The following SMOX variants were observed in gnomAD, a reference collection of about 807,000 sequenced individuals.
The protein encoded by SMOX is flavin containing amine oxidase.
Under a neutral mutation model 51.0 loss-of-function variants are expected in SMOX, and 22 were observed. The observed-to-expected ratio is 0.43, with a 90% CI of 0.31 to 0.62. The LOEUF (loss-of-function observed/expected upper bound fraction) is 0.62, where lower values mean the gene tolerates loss of function less well. SMOX is among the 20% of genes least tolerant of loss of function. SMOX has a pLI of 0.10. For missense variants in SMOX, 566 were observed against 777.7 expected, an observed-to-expected ratio of 0.73 and a Z score of 3.24; for synonymous variants, 282 against 307.8, an observed-to-expected ratio of 0.92 and a Z score of 0.88.
Position 4,161,386 on chromosome 20 carries a change from T to A in SMOX, c.-27+12409T>A, listed in dbSNP as rs910825922. Among the ~76,000 whole-genome samples, 8 of 152,162 alleles carry A rather than the reference T, an allele frequency of 5.3e-5. No individual in the cohort carries two copies. The East Asian group carries it at 1.5e-3, about 29-fold the overall frequency. On this transcript the variant is annotated intron_variant, in intron 1 of 6. Transcript: ENST00000305958. ...ATAGCCCGGAGGAGAGAACTGGGCT[T>A]AATAATCAGACCCCTGGGCTGACCT...
At position 4,187,429 on chromosome 20, in the gene SMOX, A is replaced by G. The variant is rs199704295; in HGVS notation, c.*22A>G. ...CTGAGGGCTGTCCTCGCTGCTGAGA[A>G]GAGCCACTAACTCGTGACCTCCAGC... On this transcript the variant is annotated 3_prime_UTR_variant, in exon 7 of 7. Transcript: ENST00000305958. This position sits in a 1 kb window ranked among gnomAD's most constrained non-coding sequence, Gnocchi z 4.8. 1.3e-5 allele frequency: 21 copies of G among 1,608,326 alleles called. No individual in the cohort carries two copies. In the African/African-American group the frequency reaches 2.1e-4, roughly 16 times the overall value.
chr20:4,168,170 C>T (rs1986653758), intron 1 of SMOX, among the ~76,000 whole-genome samples: 1 of 152,040 alleles, frequency 6.6e-6, no homozygotes, highest in South Asian at 2.1e-4. Context: ...GGGCTGCTGC[C>T]CTCAGGGACC....
chr20:4,156,867 C>T (rs1310965467), intron 1 of SMOX, among the ~76,000 whole-genome samples: 2 of 152,134 alleles, frequency 1.3e-5, no homozygotes, highest in African/African-American at 2.4e-5. Context: ...CTCAGCCTCC[C>T]GAGTAGCTGG....
chr20:4,176,316 A>G (rs1978848381), intron 2 of SMOX, among the ~76,000 whole-genome samples: 1 of 152,102 alleles, frequency 6.6e-6, no homozygotes, highest in African/African-American at 2.4e-5. Context: ...GTCTTCCCCT[A>G]CAGCATTTCC....
Position 4,183,399 on chromosome 20 carries a change from T to G in SMOX, c.1370-95T>G. The G allele has an allele frequency of 6.4e-7, 1 of 1,571,648 alleles. No individual in the cohort carries two copies. The highest frequency in any genetic ancestry group is 8.7e-7 in the Non-Finnish European group (1 of 1,144,490). On this transcript the variant is annotated intron_variant, in intron 5 of 6. Transcript: ENST00000305958. The surrounding 1 kb of genome is among the most constrained non-coding windows in gnomAD (Gnocchi z 4.3). ...TGGCAGTCTGGTCCTCCCGGAGCCC[T>G]GGAGGTGGGGTGGGGGGTTGTCCCT...
chr20:4,187,471 T>C lies in SMOX; in HGVS notation c.*64T>C. ...ACCTCCAGCCTGCCCCTTGCTGCCGTGTGCTCCTGCCTTCCTGATCCTCTG... is the reference window on the plus strand; with the variant it reads ...ACCTCCAGCCTGCCCCTTGCTGCCGCGTGCTCCTGCCTTCCTGATCCTCTG... On this transcript the variant is annotated 3_prime_UTR_variant, in exon 7 of 7. Coordinates refer to ENST00000305958, the MANE Select transcript of SMOX (RefSeq NM_175839.3). The surrounding 1 kb of genome is among the most constrained non-coding windows in gnomAD (Gnocchi z 4.8). 1 of 1,582,502 alleles carries C rather than the reference T, an allele frequency of 6.3e-7. No individual in the cohort carries two copies.
intron 3 of SMOX, among the ~76,000 whole-genome samples, chr20:4,179,330 G>C (rs1013650886): frequency 7.9e-5 from 12 of 152,178 alleles, no homozygotes; most frequent in Admixed American, 7.2e-4. Flanking sequence ...ATCAAATTCT[G>C]CTGGTGGGTT....
chr20:4,150,148 C>T (rs1159727735), intron 1 of SMOX, among the ~76,000 whole-genome samples: 1 of 152,214 alleles, frequency 6.6e-6, no homozygotes, highest in East Asian at 1.9e-4. Context: ...CCTTGGCACC[C>T]TGTCTCTCCA....
chr20:4,157,936 TGTC>T (rs376745192), intron 1 of SMOX, among the ~76,000 whole-genome samples: 571 of 152,240 alleles, frequency 3.8e-3, no homozygotes, highest in Non-Finnish European at 6.7e-3. Context: ...AGTCTCGCTC[TGTC>T]GCCCAGGCTG....
Position 4,187,362 on chromosome 20 carries a change from C to A in SMOX, c.1623C>A (p.Ala541=). The change falls in exon 7 of 7, where the codon GCC becomes GCA. Residue 541 remains alanine (A), a synonymous_variant. Coordinates refer to ENST00000305958, the MANE Select transcript of SMOX (RefSeq NM_175839.3). The surrounding 1 kb of genome is among the most constrained non-coding windows in gnomAD (Gnocchi z 4.8). ...TGCTGTCCGGCCAGCGTGAGGCTGC[C>A]CGCCTCATTGAGATGTACCGAGACC... ...GALLSGQREA[A]RLIEMYRDLF... The A allele has an allele frequency of 1.2e-6, 2 of 1,614,228 alleles. No homozygotes were observed. Among genetic ancestry groups the A allele is most frequent in the Non-Finnish European group, 1.7e-6 (2 of 1,180,050 alleles).
chr20:4,149,292 C>T lies in SMOX; in HGVS notation c.-27+315C>T, dbSNP rs1400260007. ...GGGCCGGGCGCCGGGGGTAGAGGGC[C>T]GGACGGACCCCCGGGCTACGTGCGG... On this transcript the variant is annotated intron_variant, in intron 1 of 6. Transcript: ENST00000305958. This position sits in a 1 kb window ranked among gnomAD's most constrained non-coding sequence, Gnocchi z 6.0. 2.0e-5 allele frequency among the ~76,000 whole-genome samples: 3 copies of T among 151,206 alleles called. No homozygotes were observed. Among genetic ancestry groups the T allele is most frequent in the African/African-American group, 7.3e-5 (3 of 41,300 alleles).
intron 6 of SMOX, among the ~76,000 whole-genome samples, chr20:4,184,499 TAAA>T (rs11471728): frequency 3.3e-5 from 5 of 149,410 alleles, no homozygotes; most frequent in African/African-American, 1.2e-4. Flanking sequence ...AACTGTACAC[TAAA>T]AAAAAAAAAT....
At chr20:4,156,812 A>T (rs1266494120) in intron 1 of SMOX, among the ~76,000 whole-genome samples, 1 of 152,024 alleles carries the variant, frequency 6.6e-6, no homozygotes, top group Admixed American at 6.6e-5. Flanking sequence ...GCGCAATCTC[A>T]GCTCATTGCA....
At chr20:4,173,462 G>A (rs986638874) in intron 1 of SMOX, among the ~76,000 whole-genome samples, 1 of 152,222 alleles carries the variant, frequency 6.6e-6, no homozygotes, top group Non-Finnish European at 1.5e-5. Flanking sequence ...CACCGCATAT[G>A]TCTCTGTTCT....
intron 1 of SMOX, among the ~76,000 whole-genome samples, chr20:4,162,503 C>G (rs560877917): frequency 6.6e-6 from 1 of 152,362 alleles, no homozygotes; most frequent in East Asian, 1.9e-4. Context: ...CTCTTCCACC[C>G]TCCATTAGGT....
Position 4,177,126 on chromosome 20 carries a change from C to T in SMOX, c.209-225C>T, listed in dbSNP as rs898012439. On this transcript the variant is annotated intron_variant, in intron 2 of 6. Coordinates refer to ENST00000305958, the MANE Select transcript of SMOX (RefSeq NM_175839.3). The surrounding 1 kb of genome is among the most constrained non-coding windows in gnomAD (Gnocchi z 4.3). ...CTGGTCCAGTAAGGCCACTCTGGGA[C>T]AAATCACAGAGTCATCCAAGGTGGC... 3.5e-4 allele frequency among the ~76,000 whole-genome samples: 54 copies of T among 152,126 alleles called. No individual in the cohort carries two copies. The highest frequency in any genetic ancestry group is 1.3e-3 in the African/African-American group (52 of 41,404).
intron 1 of SMOX, among the ~76,000 whole-genome samples, chr20:4,159,155 C>G (rs762981885): frequency 1.1e-4 from 17 of 152,012 alleles, no homozygotes; most frequent in Non-Finnish European, 2.1e-4. Flanking sequence ...CAGAGTTTCA[C>G]TCTTGGAGTG....
intron 1 of SMOX, among the ~76,000 whole-genome samples, chr20:4,150,395 T>C (rs1985678443): frequency 6.6e-6 from 1 of 152,264 alleles, no homozygotes; most frequent in East Asian, 1.9e-4. Context: ...CCTCTCCTGG[T>C]CTCCTTGAAC....
chr20:4,158,147 G>A (rs539833293), intron 1 of SMOX, among the ~76,000 whole-genome samples: 25 of 151,744 alleles, frequency 1.6e-4, no homozygotes, highest in African/African-American at 4.4e-4. Flanking sequence ...TGATCCGCCC[G>A]CCTTGGCCTC....
Sources: allele counts gnomAD v4.1 joint callset (sites outside exome capture counted in the v4.1 genomes callset), GRCh38; gene constraint gnomAD v4.1.1; non-coding constraint Gnocchi (gnomAD v3.1); transcripts MANE v1.5; gene names NCBI Gene and HGNC (gene_info 2026-07-23, HGNC 2026-07-21).